CARD10: variants seen among roughly 807,000 people sequenced by gnomAD.
CARD10 encodes the protein caspase recruitment domain family member 10, also known as caspase recruitment domain-containing protein 10.
In CARD10, 49 loss-of-function variants were observed where a neutral mutation model predicts 114.6. The ratio of observed to expected loss-of-function variants is 0.43; its 90% CI spans 0.34 to 0.54. The LOEUF (loss-of-function observed/expected upper bound fraction) is 0.54, where lower values mean the gene tolerates loss of function less well. Among genes scored for constraint, CARD10 ranks in the 20% least tolerant of loss-of-function variants. The pLI is 0.03. For missense variants in CARD10, 1,206 were observed against 1,397.2 expected (o/e 0.86, Z 2.18); for synonymous variants, 602 against 593.2 (o/e 1.01, Z -0.21).
At position 37,504,732 on chromosome 22, in the gene CARD10, C is replaced by CG. The variant is rs1923344411; in HGVS notation, c.1420_1421insC (p.Ser474ThrfsTer29). 2 of 1,575,194 alleles carry CG rather than the reference C, an allele frequency of 1.3e-6. No individual in the cohort carries two copies. The highest frequency in any genetic ancestry group is 1.7e-6 in the Non-Finnish European group (2 of 1,162,934). ...GAACTCGCTCAGGCTCCAAGTGCTGCTGAGGTTGGAGCACAGGGAATGGGA... is the reference window on the plus strand; with the variant it reads ...GAACTCGCTCAGGCTCCAAGTGCTGCGTGAGGTTGGAGCACAGGGAATGGGA... On this transcript the variant is annotated frameshift_variant, in exon 8 of 20. Transcript: ENST00000251973. LOFTEE classifies it high-confidence loss of function.
chr22:37,510,139 A>G, intron 4 of CARD10, 73 bp downstream of exon 4: 3 of 879,530 alleles, frequency 3.4e-6, no homozygotes, highest in Non-Finnish European at 4.6e-6. Flanking sequence ...GCCTGTGCCC[A>G]CAAGCCCCAG....
chr22:37,492,455 T>G lies in CARD10; in HGVS notation c.2731A>C (p.Ile911Leu). 6.3e-7 allele frequency: 1 copy of G among 1,583,168 alleles called. No individual in the cohort carries two copies. Among genetic ancestry groups the G allele is most frequent in the Non-Finnish European group, 8.6e-7 (1 of 1,163,284 alleles). The stretch of plus-strand genomic sequence containing the variant: ...CCCACCTTCCCAACAGACTCCTGGA[T>G]GGCCCGGATCCTGCTGCCTAGCCCA... ...TPGLGSRIRA[I>L]QESVGKKHCL... Residue 911 changes from isoleucine to leucine, a missense_variant, in exon 18 of 20, where the codon ATC becomes CTC. Coordinates refer to ENST00000251973, the MANE Select transcript of CARD10 (RefSeq NM_014550.4). The surrounding 1 kb of genome is among the most constrained non-coding windows in gnomAD (Gnocchi z 5.7).
At chr22:37,491,425 T>C (rs912910748) in intron 19 of CARD10, 32 bp from the exon 20 acceptor site, 48 of 1,413,746 alleles carry the variant, frequency 3.4e-5, no homozygotes, top group Non-Finnish European at 4.0e-5. Context: ...GCGGTCAAAG[T>C]GGGGGACCAA....
chr22:37,491,244 C>A lies in CARD10; in HGVS notation c.3014G>T (p.Arg1005Leu), dbSNP rs964210648. ...GGCCTGCTCCTGCAGGATGCGGCCGCGCACCACCTTGGCCAGCTCCTCTGC... is the reference window on the plus strand; with the variant it reads ...GGCCTGCTCCTGCAGGATGCGGCCGAGCACCACCTTGGCCAGCTCCTCTGC... The part of the protein sequence containing the change: ...GHAEELAKVV[R>L]GRILQEQARL... The change falls in exon 20 of 20, where the codon CGC becomes CTC. Residue 1005 changes from arginine to leucine, a missense_variant. Coordinates refer to ENST00000251973, the MANE Select transcript of CARD10 (RefSeq NM_014550.4). 6.4e-7 allele frequency: 1 copy of A among 1,566,718 alleles called. No homozygotes were observed. The highest frequency in any genetic ancestry group is 8.6e-7 in the Non-Finnish European group (1 of 1,161,052).
In CARD10 at chr22:37,492,914, GCTC is replaced by G; in HGVS notation, c.2477-115_2477-113del. On this transcript the variant is annotated intron_variant, in intron 16 of 19. Coordinates refer to ENST00000251973, the MANE Select transcript of CARD10 (RefSeq NM_014550.4). This position sits in a 1 kb window ranked among gnomAD's most constrained non-coding sequence, Gnocchi z 5.7. The stretch of plus-strand genomic sequence containing the variant: ...CCATCCCTTCCTAAGTCCTGCTGCT[GCTC>G]CTCCTACACATGCACACACACACAC... The G allele has an allele frequency of 8.8e-7, 1 of 1,142,444 alleles. No individual in the cohort carries two copies. Among genetic ancestry groups the G allele is most frequent in the Non-Finnish European group, 1.2e-6 (1 of 812,298 alleles). 70.8% of individuals were successfully genotyped at this position (1,142,444 alleles called of 1,614,324 possible). A position where few individuals can be genotyped will look rare whatever the true frequency, so the allele number is the denominator to read the frequency against.
rs773438740 is a variant in CARD10 at position 37,496,546 on chromosome 22, A to G, written c.1962T>C (p.Ala654=). 4 of 1,613,236 alleles carry G rather than the reference A, an allele frequency of 2.5e-6. No homozygotes were observed. Among genetic ancestry groups the G allele is most frequent in the Non-Finnish European group, 3.4e-6 (4 of 1,179,686 alleles). ...RMEPREQRVE[A]AGLEGACLEA... is the part of the protein sequence containing the mutation. ...CCAGGCACGCCCCCTCCAGACCAGC[A>G]GCTTCCACCCTTTGCTGGGAGAAAA... The change falls in exon 13 of 20, where the codon GCT becomes GCC. Residue 654 remains alanine, a synonymous_variant. Coordinates refer to ENST00000251973, the MANE Select transcript of CARD10 (RefSeq NM_014550.4). This position sits in a 1 kb window ranked among gnomAD's most constrained non-coding sequence, Gnocchi z 4.1.
chr22:37,513,300 C>T (rs1423034407), intron 3 of CARD10, among the ~76,000 whole-genome samples: 3 of 152,094 alleles, frequency 2.0e-5, no homozygotes, highest in African/African-American at 7.2e-5. Context: ...TTAGTACAGA[C>T]GGGGTTTCAC....
At chr22:37,507,571 A>G (rs5756708) in intron 6 of CARD10, among the ~76,000 whole-genome samples, 78,200 of 152,056 alleles carry the variant, frequency 0.51, 20,184 homozygotes, top group Middle Eastern at 0.61. Context: ...AAGGGATTCA[A>G]AAATGAAGAC....
chr22:37,492,460 C>T lies in CARD10; in HGVS notation c.2726G>A (p.Arg909Gln), dbSNP rs780025389. The change falls in exon 18 of 20, where the codon CGG (arginine) becomes CAG (glutamine). Residue 909 changes from arginine (R) to glutamine (Q), a missense_variant. Physicochemically the swap from Arg to Gln is conservative, Grantham distance 43 (BLOSUM62 1). Transcript: ENST00000251973. The surrounding 1 kb of genome is among the most constrained non-coding windows in gnomAD (Gnocchi z 5.7). ...PATPGLGSRI[R>Q]AIQESVGKKH... The stretch of plus-strand genomic sequence containing the variant: ...CTTCCCAACAGACTCCTGGATGGCC[C>T]GGATCCTGCTGCCTAGCCCAGGGGT... 6.3e-6 allele frequency: 10 copies of T among 1,591,600 alleles called. No homozygotes were observed. Among genetic ancestry groups the T allele is most frequent in the Middle Eastern group, 1.8e-4 (1 of 5,528 alleles).
chr22:37,508,811 C>G, intron 4 of CARD10, 129 bp from the exon 5 acceptor site: 1 of 1,237,580 alleles, frequency 8.1e-7, no homozygotes, highest in African/African-American at 1.5e-5. Context: ...TGGCCCGGGG[C>G]CTCGACCCTC....
rs541585959 is a variant in CARD10 at position 37,507,531 on chromosome 22, T to C, written c.1191+298A>G. On this transcript the variant is annotated intron_variant, in intron 6 of 19. Transcript: ENST00000251973. ...CTTCTATTTGTAAGCACTCCCTCTG[T>C]GCTGGCCTTGTCTTTGAGATGGACA... Among the ~76,000 whole-genome samples, 73 of 152,310 alleles carry C rather than the reference T, an allele frequency of 4.8e-4. 1 individual carries two copies. The highest frequency in any genetic ancestry group is 1.7e-3 in the African/African-American group (71 of 41,576).
intron 15 of CARD10, 98 bp from the exon 16 acceptor site, chr22:37,494,286 C>T: frequency 1.3e-6 from 1 of 775,320 alleles, no homozygotes; most frequent in Non-Finnish European, 2.1e-6. Context: ...GCCCCACTGC[C>T]ACTGTGGTCC....
rs372683626 is a variant in CARD10 at position 37,502,435 on chromosome 22, A to T, written c.1787+167T>A. On this transcript the variant is annotated intron_variant, in intron 11 of 19. Transcript: ENST00000251973. ...GGGACCAGCCCAAGTCACAGGGACG[A>T]TCAAGAGCGGCAGCAGGATTGGAAT... 7.3e-4 allele frequency among the ~76,000 whole-genome samples: 111 copies of T among 152,348 alleles called. No homozygotes were observed. The South Asian group carries it at 0.022, about 30-fold the overall frequency.
In CARD10 at chr22:37,516,162, C is replaced by T; in HGVS notation, c.510G>A (p.Gly170=). The T allele has an allele frequency of 1.3e-6, 2 of 1,594,128 alleles. No homozygotes were observed. Among genetic ancestry groups the T allele is most frequent in the Non-Finnish European group, 1.7e-6 (2 of 1,170,920 alleles). ...RGRVLEEERA[G]LEQRLRDQQQ... ...GCTGGTCCCGCAGCCGCTGCTCCAG[C>T]CCTGCCCGCTCCTCCTCGAGCACCC... is the stretch of plus-strand genomic sequence containing the variant. Residue 170 remains glycine, a synonymous_variant, in exon 3 of 20, where the codon GGG becomes GGA. Coordinates refer to ENST00000251973, the MANE Select transcript of CARD10 (RefSeq NM_014550.4).
chr22:37,510,080 G>A (rs1367266792), intron 4 of CARD10, 132 bp downstream of exon 4: 1 of 589,102 alleles, frequency 1.7e-6, no homozygotes, highest in Non-Finnish European at 2.8e-6. Flanking sequence ...GTGCCCAGAA[G>A]CCCTGGCCCT....
rs1483910529 is a variant in CARD10, at chr22:37,506,400, G to A, written c.1192-17C>T. ...CTGGATGGCCTAGGGTTGGGGGAGGGGAGGCAGCAGCTGAAGGAGCCACCT... is the reference window on the plus strand; with the variant it reads ...CTGGATGGCCTAGGGTTGGGGGAGGAGAGGCAGCAGCTGAAGGAGCCACCT... On this transcript the variant is annotated splice_polypyrimidine_tract_variant and intron_variant, in intron 6 of 19. Transcript: ENST00000251973. 2.6e-6 allele frequency: 4 copies of A among 1,526,730 alleles called. No homozygotes were observed. The highest frequency in any genetic ancestry group is 1.7e-4 in the Middle Eastern group (1 of 5,814). The allele number at this position is 1,526,730 out of a possible 1,614,324, so 94.6% of individuals were successfully genotyped here. A position where few individuals can be genotyped will look rare whatever the true frequency, so the allele number is the denominator to read the frequency against.
intron 7 of CARD10, 25 bp from the exon 8 acceptor site, chr22:37,504,794 G>A: frequency 6.8e-7 from 1 of 1,466,190 alleles, no homozygotes; most frequent in Non-Finnish European, 9.1e-7. Flanking sequence ...GGAGAGGAAG[G>A]AGGTGAGCAG....
chr22:37,495,742 C>A lies in CARD10; in HGVS notation c.2303+18G>T. 6.2e-7 allele frequency: 1 copy of A among 1,613,394 alleles called. No homozygotes were observed. The highest frequency in any genetic ancestry group is 8.5e-7 in the Non-Finnish European group (1 of 1,179,666). The stretch of plus-strand genomic sequence containing the variant: ...GCTCCCAGGGGGACCCCATCCCCAG[C>A]TCCTGGCTCTGCGTCACCTCTGATA... On this transcript the variant is annotated intron_variant, in intron 14 of 19. Transcript: ENST00000251973.
chr22:37,501,284 C>T lies in CARD10; in HGVS notation c.1787+1318G>A, dbSNP rs1923202410. On this transcript the variant is annotated intron_variant, in intron 11 of 19. Coordinates refer to ENST00000251973, the MANE Select transcript of CARD10 (RefSeq NM_014550.4). This position sits in a 1 kb window ranked among gnomAD's most constrained non-coding sequence, Gnocchi z 5.4. Reference sequence around the variant, plus strand: ...TCGTGGGGCCTGGGCGGGGCTGGGACGGAGGCTCCTGCTCCCTGGCTGCAT... The same window carrying T: ...TCGTGGGGCCTGGGCGGGGCTGGGATGGAGGCTCCTGCTCCCTGGCTGCAT... 6.6e-6 allele frequency among the ~76,000 whole-genome samples: 1 copy of T among 152,146 alleles called. No homozygotes were observed. Among genetic ancestry groups the T allele is most frequent in the Non-Finnish European group, 1.5e-5 (1 of 68,032 alleles).
Sources: allele counts gnomAD v4.1 joint callset (sites outside exome capture counted in the v4.1 genomes callset), GRCh38; gene constraint gnomAD v4.1.1; non-coding constraint Gnocchi (gnomAD v3.1); transcripts MANE v1.5; gene names NCBI Gene and HGNC (gene_info 2026-07-23, HGNC 2026-07-21).